Variants in WFS1 observed in about 807,000 individuals in gnomAD.
WFS1 encodes the protein wolframin ER transmembrane glycoprotein.
A neutral mutation model predicts 68.5 loss-of-function variants in WFS1; 90 were observed. The ratio of observed to expected loss-of-function variants is 1.31; its 90% CI spans 1.11 to 1.56. The LOEUF (loss-of-function observed/expected upper bound fraction) is 1.56. WFS1 is among the 40% of genes most tolerant of loss of function. WFS1 has a pLI of 0.00. For synonymous variants in WFS1, 860 were observed against 540.7 expected, an observed-to-expected ratio of 1.59 and a Z score of -8.19; for missense variants, 1,767 against 1,232.6, an observed-to-expected ratio of 1.43 and a Z score of -6.49.
chr4:6,292,571 T>C (rs2109117701), intron 6 of WFS1, among the ~76,000 whole-genome samples: 1 of 152,082 alleles, frequency 6.6e-6, no homozygotes, highest in East Asian at 1.9e-4. Context: ...AGAAGAGACG[T>C]CACATCCTCC....
chr4:6,287,143 G>A lies in WFS1; in HGVS notation c.283G>A (p.Ala95Thr). 1 of 1,561,396 alleles carries A rather than the reference G, an allele frequency of 6.4e-7. No individual in the cohort carries two copies. Among genetic ancestry groups the A allele is most frequent in the Non-Finnish European group, 8.7e-7 (1 of 1,151,356 alleles). ...CCCCTTTGAAGAAGTCCTGGAGAGG[G>A]CCAAGGCCGGGGACCCCAAGGCACA... The part of the protein sequence containing the change: ...EIPFEEVLER[A>T]KAGDPKAQTE... The change falls in exon 3 of 8, where the codon GCC becomes ACC. Residue 95 changes from alanine to threonine, a missense_variant. Transcript: ENST00000226760. This position sits in a 1 kb window ranked among gnomAD's most constrained non-coding sequence, Gnocchi z 6.4.
chr4:6,302,093 C>T lies in WFS1; in HGVS notation c.2298C>T (p.His766=), dbSNP rs755328574. The T allele has an allele frequency of 1.1e-5, 17 of 1,612,812 alleles. No individual in the cohort carries two copies. In the East Asian group the frequency reaches 3.3e-4, roughly 32 times the overall value. Residue 766 remains histidine (H), a synonymous_variant, in exon 8 of 8, where the codon CAC becomes CAT. Transcript: ENST00000226760. ...AGCTGCTGGCCAAGCACCCCTGCCA[C>T]ATCAAGAAGTTCGACCGCTACAAGT... ...RLKLLAKHPC[H]IKKFDRYKFE...
At position 6,302,843 on chromosome 4, in the gene WFS1, G is replaced by A; in HGVS notation, c.*375G>A. 2 of 329,532 alleles carry A rather than the reference G, an allele frequency of 6.1e-6. No individual in the cohort carries two copies. The highest frequency in any genetic ancestry group is 1.1e-5 in the Non-Finnish European group (2 of 177,492). The allele number at this position is 329,532 out of a possible 1,614,324, so 20.4% of individuals were successfully genotyped here. On this transcript the variant is annotated 3_prime_UTR_variant, in exon 8 of 8. Transcript: ENST00000226760. Reference sequence around the variant, plus strand: ...GTTCCCTCTTTCTTTCTTTTGTGTTGGATTTGTTTAAAAACCAAATAAGCA... The same window carrying A: ...GTTCCCTCTTTCTTTCTTTTGTGTTAGATTTGTTTAAAAACCAAATAAGCA...
chr4:6,295,344 A>G (rs1289866330), intron 7 of WFS1, among the ~76,000 whole-genome samples, 155 bp downstream of exon 7: 2 of 152,166 alleles, frequency 1.3e-5, no homozygotes, highest in East Asian at 3.9e-4. Context: ...GTCATCATCT[A>G]TCGTCATAAG....
intron 1 of WFS1, among the ~76,000 whole-genome samples, chr4:6,272,521 G>C (rs1333486303): frequency 6.6e-6 from 1 of 152,176 alleles, no homozygotes. Context: ...CCCTGTGCCA[G>C]GGGGCTGGGT....
In WFS1 at chr4:6,301,333, A is replaced by C. The variant is rs544933961; in HGVS notation, c.1538A>C (p.Tyr513Ser). The C allele has an allele frequency of 5.6e-5, 90 of 1,611,822 alleles. No homozygotes were observed. The highest frequency in any genetic ancestry group is 6.7e-5 in the East Asian group (3 of 44,868). ...VPCLLYVYLL[Y>S]LFFRMAQLRN... ...TGCCTGCTCTATGTCTACCTGCTCT[A>C]TCTCTTCTTCCGCATGGCACAGCTG... Residue 513 changes from tyrosine (Y) to serine (S), a missense_variant, in exon 8 of 8, where the codon TAT (tyrosine) becomes TCT (serine). Coordinates refer to ENST00000226760, the MANE Select transcript of WFS1 (RefSeq NM_006005.3).
In WFS1 at chr4:6,289,719, C is replaced by T. The variant is rs144101083; in HGVS notation, c.460+588C>T. On this transcript the variant is annotated intron_variant, in intron 4 of 7. Coordinates refer to ENST00000226760, the MANE Select transcript of WFS1 (RefSeq NM_006005.3). ...CAAGGGAAGTGGCTGTCCCTGGTGCCGTGGGGCAGTGTGCTTCCTGAAGGT... is the reference window on the plus strand; with the variant it reads ...CAAGGGAAGTGGCTGTCCCTGGTGCTGTGGGGCAGTGTGCTTCCTGAAGGT... 2.4e-3 allele frequency among the ~76,000 whole-genome samples: 358 copies of T among 152,244 alleles called. 3 individuals are homozygous for T. The highest frequency in any genetic ancestry group is 7.2e-3 in the African/African-American group (301 of 41,558).
In WFS1 at chr4:6,289,079, G is replaced by A. The variant is rs1468295330; in HGVS notation, c.408G>A (p.Gln136=). 2.5e-6 allele frequency: 4 copies of A among 1,587,272 alleles called. No homozygotes were observed. Among genetic ancestry groups the A allele is most frequent in the Non-Finnish European group, 2.6e-6 (3 of 1,167,628 alleles). Reference sequence around the variant, plus strand: ...ACTGGCTGGTCCTCGCCGCGAAGCAGGGCCGTCGCGAGGCTGTGAAGCTGC... The same window carrying A: ...ACTGGCTGGTCCTCGCCGCGAAGCAAGGCCGTCGCGAGGCTGTGAAGCTGC... ...AVDWLVLAAK[Q]GRREAVKLLR... The change falls in exon 4 of 8, where the codon CAG becomes CAA. Residue 136 remains glutamine (Q), a synonymous_variant. Coordinates refer to ENST00000226760, the MANE Select transcript of WFS1 (RefSeq NM_006005.3).
Position 6,301,721 on chromosome 4 carries a change from C to T in WFS1, c.1926C>T (p.Ala642=), listed in dbSNP as rs748808676. ...AGCTCATCCTGGTGTGGCTCACGGC[C>T]ATCGTGCTGTTCTGCTGGTTCTATG... The part of the protein sequence containing the change: ...MVKLILVWLT[A]IVLFCWFYVY... Residue 642 remains alanine, a synonymous_variant, in exon 8 of 8, where the codon GCC becomes GCT. Transcript: ENST00000226760. 1.9e-6 allele frequency: 3 copies of T among 1,614,048 alleles called. No homozygotes were observed. The highest frequency in any genetic ancestry group is 3.3e-5 in the Admixed American group (2 of 60,030).
intron 1 of WFS1, among the ~76,000 whole-genome samples, chr4:6,277,230 C>T (rs1397006460): frequency 6.6e-6 from 1 of 152,224 alleles, no homozygotes; most frequent in Non-Finnish European, 1.5e-5. Flanking sequence ...ATTGTAAGTG[C>T]CATGCCATCT....
At position 6,301,553 on chromosome 4, in the gene WFS1, C is replaced by T. The variant is rs145144527; in HGVS notation, c.1758C>T (p.Ala586=). 3.6e-4 allele frequency: 586 copies of T among 1,614,130 alleles called. 3 individuals are homozygous for T. The highest frequency in any genetic ancestry group is 3.0e-4 in the Non-Finnish European group (354 of 1,180,046). The part of the protein sequence containing the change: ...GLALVGVLQF[A]RWFTSLELTK... ...CCCTGGTGGGCGTGCTGCAGTTCGC[C>T]CGGTGGTTCACGTCTCTGGAGCTCA... The change falls in exon 8 of 8, where the codon GCC becomes GCT. Residue 586 remains alanine (A), a synonymous_variant. Transcript: ENST00000226760.
chr4:6,295,026 T>G lies in WFS1; in HGVS notation c.713-15T>G. The G allele has an allele frequency of 6.2e-7, 1 of 1,613,144 alleles. No homozygotes were observed. The stretch of plus-strand genomic sequence containing the variant: ...GCAGTGTGGGGCGCCCATGCTGTTT[T>G]CTCTCATGCTTCAGCCAAGAACTAC... On this transcript the variant is annotated splice_polypyrimidine_tract_variant and intron_variant, in intron 6 of 7. Coordinates refer to ENST00000226760, the MANE Select transcript of WFS1 (RefSeq NM_006005.3).
chr4:6,272,772 A>G (rs978637496), intron 1 of WFS1, among the ~76,000 whole-genome samples: 3 of 152,164 alleles, frequency 2.0e-5, no homozygotes, highest in African/African-American at 7.2e-5. Context: ...TTTGGCAGAT[A>G]AATTTTGTTT....
intron 2 of WFS1, among the ~76,000 whole-genome samples, chr4:6,282,616 C>G (rs1578589896): frequency 6.6e-6 from 1 of 152,332 alleles, no homozygotes; most frequent in African/African-American, 2.4e-5. Context: ...TGTCTGGATG[C>G]ATCAGTAATA....
chr4:6,296,101 G>A (rs755840539), intron 7 of WFS1, among the ~76,000 whole-genome samples: 5 of 152,218 alleles, frequency 3.3e-5, no homozygotes, highest in Non-Finnish European at 5.9e-5. Context: ...TCAGATGGGC[G>A]CGTGAGTCAG....
rs1560420534 is a variant in WFS1, at chr4:6,301,728, C to T, written c.1933C>T (p.Leu645=). 1.2e-6 allele frequency: 2 copies of T among 1,614,008 alleles called. No homozygotes were observed. Among genetic ancestry groups the T allele is most frequent in the East Asian group, 2.2e-5 (1 of 44,870 alleles). Residue 645 remains leucine (L), a synonymous_variant, in exon 8 of 8, where the codon CTG becomes TTG. Coordinates refer to ENST00000226760, the MANE Select transcript of WFS1 (RefSeq NM_006005.3). ...CCTGGTGTGGCTCACGGCCATCGTG[C>T]TGTTCTGCTGGTTCTATGTGTACCG... The part of the protein sequence containing the change: ...LILVWLTAIV[L]FCWFYVYRSE...
chr4:6,271,830 C>T (rs961346121), intron 1 of WFS1, among the ~76,000 whole-genome samples: 6 of 152,194 alleles, frequency 3.9e-5, no homozygotes, highest in Non-Finnish European at 7.3e-5. Context: ...GGGTCAGGTC[C>T]GCCTCCCGAG....
In WFS1 at chr4:6,301,197, C is replaced by G. The variant is rs200318101; in HGVS notation, c.1402C>G (p.Leu468Val). 1 of 1,612,208 alleles carries G rather than the reference C, an allele frequency of 6.2e-7. No individual in the cohort carries two copies. ...GGCCACCGAGGTCACCGCCGGCCTG[C>G]TATCGCTGCTGCCCTCCATGCCCTT... ...ALATEVTAGL[L>V]SLLPSMPLNW... Residue 468 changes from leucine (L) to valine (V), a missense_variant, in exon 8 of 8, where the codon CTA (leucine) becomes GTA (valine). By Grantham distance (32) the Leu-to-Val change is conservative. Coordinates refer to ENST00000226760, the MANE Select transcript of WFS1 (RefSeq NM_006005.3).
rs1417506612 is a variant in WFS1 at position 6,301,790 on chromosome 4, C to T, written c.1995C>T (p.Thr665=). 9 of 1,613,452 alleles carry T rather than the reference C, an allele frequency of 5.6e-6. No individual in the cohort carries two copies. Among genetic ancestry groups the T allele is most frequent in the Middle Eastern group, 1.6e-4 (1 of 6,062 alleles). ...TGAAGGTCTACAACTCCACACTGAC[C>T]TGGCAGCAGTATGGTGCGCTGTGCG... The part of the protein sequence containing the change: ...EGMKVYNSTL[T]WQQYGALCGP... Residue 665 remains threonine (T), a synonymous_variant, in exon 8 of 8, where the codon ACC becomes ACT. Coordinates refer to ENST00000226760, the MANE Select transcript of WFS1 (RefSeq NM_006005.3).
Sources: gnomAD v4.1 joint callset for allele counts (sites outside exome capture counted in the v4.1 genomes callset) on GRCh38, gnomAD v4.1.1 for gene constraint, Gnocchi (gnomAD v3.1) non-coding constraint, MANE v1.5 for transcripts, NCBI Gene and HGNC (gene_info 2026-07-23, HGNC 2026-07-21) for gene names.